TMEM68: variants seen among roughly 807,000 people sequenced by gnomAD.
TMEM68 encodes transmembrane protein 68.
TMEM68 carries 25 observed loss-of-function variants against 36.9 expected under a neutral mutation model. The observed-to-expected ratio is 0.68, with a 90% CI of 0.49 to 0.95. The LOEUF (loss-of-function observed/expected upper bound fraction) is 0.95. Ranked by LOEUF, TMEM68 falls within the 40% of genes least tolerant of loss-of-function variation. The probability of loss-of-function intolerance (pLI) is 0.00; values close to 1 mark genes in which losing one functional copy is unlikely to be tolerated. For missense variants in TMEM68, 333 were observed against 392.0 expected, an observed-to-expected ratio of 0.85 and a Z score of 1.27; for synonymous variants, 131 against 124.4, an observed-to-expected ratio of 1.05 and a Z score of -0.35.
In TMEM68 at chr8:55,750,977, A is replaced by T. The variant is rs746409057; in HGVS notation, c.674T>A (p.Ile225Asn). Residue 225 changes from isoleucine (I) to asparagine (N), a missense_variant, in exon 5 of 8, where the codon ATT (isoleucine) becomes AAT (asparagine). Transcript: ENST00000434581. The part of the protein sequence containing the change: ...GHRRGFAQVA[I>N]DAKVPIIPMF... ...TATATAACTCACCACTTTTGCATCA[A>T]TTGCAACCTGAGCAAAGCCTCTGCG... is the stretch of plus-strand genomic sequence containing the variant. The T allele has an allele frequency of 1.2e-6, 2 of 1,606,454 alleles. No homozygotes were observed. The highest frequency in any genetic ancestry group is 2.2e-5 in the South Asian group (2 of 89,460).
chr8:55,759,667 A>G (rs1210728581), intron 3 of TMEM68, among the ~76,000 whole-genome samples: 7 of 152,224 alleles, frequency 4.6e-5, no homozygotes, highest in Admixed American at 2.6e-4. Flanking sequence ...AATACCATTT[A>G]CACTGTTATA....
intron 1 of TMEM68, among the ~76,000 whole-genome samples, chr8:55,769,894 A>C (rs953481389): frequency 1.3e-5 from 2 of 152,140 alleles, no homozygotes; most frequent in African/African-American, 2.4e-5. Context: ...CCACCTTCCA[A>C]AGTGCTCGGA....
At chr8:55,751,555 A>C (rs1290569826) in intron 4 of TMEM68, 4 of 441,350 alleles carry the variant, frequency 9.1e-6, no homozygotes, top group South Asian at 6.5e-5. Context: ...CCCTATAAAA[A>C]AGAGAATCAC....
intron 3 of TMEM68, chr8:55,762,104 TAAAGAAA>T (rs1810810144): frequency 6.6e-6 from 1 of 152,266 alleles, no homozygotes; most frequent in Admixed American, 6.5e-5. Context: ...TCTCGAGTAA[TAAAGAAA>T]AGAATGACTA....
rs755214936 is a variant in TMEM68, at chr8:55,762,644, C to T, written c.316G>A (p.Val106Ile). Residue 106 changes from valine to isoleucine, a missense_variant, in exon 3 of 8, where the codon GTT becomes ATT. Coordinates refer to ENST00000434581, the MANE Select transcript of TMEM68 (RefSeq NM_001286657.2). ...AAGTATCCTTGCTTACCATGCCAAA[C>T]GGCTGCATGTCCATCCCACAGAGTT... ...VATLWDGHAA[V>I]WHGYEVHGME... 41 of 1,614,068 alleles carry T rather than the reference C, an allele frequency of 2.5e-5. No individual in the cohort carries two copies. Among genetic ancestry groups the T allele is most frequent in the Admixed American group, 8.3e-5 (5 of 60,000 alleles).
At chr8:55,741,858 T>C (rs780016056) in intron 7 of TMEM68, among the ~76,000 whole-genome samples, 8 of 152,090 alleles carry the variant, frequency 5.3e-5, no homozygotes, top group African/African-American at 1.9e-4. Flanking sequence ...TAAAAAAGCA[T>C]AGACTTTGAG....
At chr8:55,753,867 G>A (rs546522071) in intron 4 of TMEM68, among the ~76,000 whole-genome samples, 9 of 152,230 alleles carry the variant, frequency 5.9e-5, no homozygotes, top group South Asian at 4.1e-4. Context: ...CAAGGCGGGC[G>A]GATCACCTGA....
In TMEM68 at chr8:55,754,466, TACACAC is replaced by T. The variant is rs71256558; in HGVS notation, c.493+1772_493+1777del. ...TCGAATATATATATATATATATATA[TACACAC>T]ACACACACACACACACACACATACA... On this transcript the variant is annotated intron_variant, in intron 4 of 7. Transcript: ENST00000434581. 6.4e-3 allele frequency among the ~76,000 whole-genome samples: 763 copies of T among 118,900 alleles called. 15 individuals are homozygous for T. Among genetic ancestry groups the T allele is most frequent in the African/African-American group, 0.023 (639 of 27,614 alleles). 78.0% of individuals were successfully genotyped at this position (118,900 alleles called of 152,430 possible). A position where few individuals can be genotyped will look rare whatever the true frequency, so the allele number is the denominator to read the frequency against.
intron 1 of TMEM68, chr8:55,772,975 C>T (rs1458505715): frequency 6.6e-6 from 1 of 152,478 alleles, no homozygotes; most frequent in Non-Finnish European, 1.5e-5. Context: ...ACGCGCCGAA[C>T]CGAAGGTTTA....
chr8:55,771,115 T>C (rs561319241), intron 1 of TMEM68, among the ~76,000 whole-genome samples: 8 of 150,398 alleles, frequency 5.3e-5, no homozygotes, highest in African/African-American at 2.0e-4. Context: ...GATCGCACCA[T>C]TGCACTCCAG....
intron 1 of TMEM68, among the ~76,000 whole-genome samples, chr8:55,772,481 G>A (rs1272821197): frequency 6.6e-6 from 1 of 152,036 alleles, no homozygotes; most frequent in East Asian, 1.9e-4. Flanking sequence ...TCCTATTTAT[G>A]CCCACATGAA....
At chr8:55,772,894 G>T (rs937033113) in intron 1 of TMEM68, 3 of 152,346 alleles carry the variant, frequency 2.0e-5, no homozygotes, top group African/African-American at 7.2e-5. Flanking sequence ...AACCAGCGAA[G>T]CCACTGGGCA....
At chr8:55,757,790 C>T (rs1401670837) in intron 3 of TMEM68, among the ~76,000 whole-genome samples, 2 of 152,020 alleles carry the variant, frequency 1.3e-5, no homozygotes, top group East Asian at 3.9e-4. Flanking sequence ...CTAAGGGGCC[C>T]AGAGTCCTTA....
chr8:55,741,455 A>T (rs1810100774), intron 7 of TMEM68, among the ~76,000 whole-genome samples: 2 of 152,214 alleles, frequency 1.3e-5, no homozygotes, highest in South Asian at 4.1e-4. Context: ...GGAAATTATA[A>T]TATTAGTGAA....
chr8:55,763,714 A>T (rs1810876539), intron 2 of TMEM68: 6 of 41,012 alleles, frequency 1.5e-4, no homozygotes, highest in Middle Eastern at 0.014. Flanking sequence ...GCACAAAAGA[A>T]AACATCAATA....
intron 1 of TMEM68, among the ~76,000 whole-genome samples, chr8:55,765,323 T>C (rs1385841558): frequency 6.6e-6 from 1 of 152,192 alleles, no homozygotes; most frequent in Non-Finnish European, 1.5e-5. Context: ...TTCTTTCAAC[T>C]ACTTCTCAGC....
At chr8:55,758,744 T>C (rs577427148) in intron 3 of TMEM68, among the ~76,000 whole-genome samples, 10 of 152,306 alleles carry the variant, frequency 6.6e-5, no homozygotes, top group Admixed American at 6.5e-4. Flanking sequence ...AGTTGAAAGC[T>C]GTAGTGAGCT....
At chr8:55,742,160 C>A (rs935720731) in intron 7 of TMEM68, among the ~76,000 whole-genome samples, 2 of 152,042 alleles carry the variant, frequency 1.3e-5, no homozygotes, top group African/African-American at 4.8e-5. Context: ...AAGACAAATA[C>A]CGTATGATTT....
chr8:55,767,429 C>T (rs1181313736), intron 1 of TMEM68, among the ~76,000 whole-genome samples: 1 of 152,060 alleles, frequency 6.6e-6, no homozygotes, highest in Non-Finnish European at 1.5e-5. Context: ...TCAGGAATTC[C>T]ATTTTAAACA....
Sources: allele counts gnomAD v4.1 joint callset (sites outside exome capture counted in the v4.1 genomes callset), GRCh38; gene constraint gnomAD v4.1.1; transcripts MANE v1.5; gene names NCBI Gene and HGNC (gene_info 2026-07-23, HGNC 2026-07-21).